Variants in GAS2 observed in about 807,000 individuals in gnomAD.
The protein encoded by GAS2 is growth arrest specific 2, also known as growth arrest-specific protein 2.
Under a neutral mutation model 37.5 loss-of-function variants are expected in GAS2, and 20 were observed. That is an observed-to-expected ratio of 0.53 (90% confidence interval 0.37 to 0.77). GAS2 has a LOEUF of 0.77. GAS2 is among the 30% of genes least tolerant of loss of function. The pLI is 0.00. For missense variants in GAS2, 336 were observed against 373.4 expected, an observed-to-expected ratio of 0.90 and a Z score of 0.82; for synonymous variants, 144 against 132.2, an observed-to-expected ratio of 1.09 and a Z score of -0.61.
intron 1 of GAS2, among the ~76,000 whole-genome samples, chr11:22,633,490 C>A (rs924657692): frequency 2.6e-5 from 4 of 151,956 alleles, no homozygotes; most frequent in East Asian, 3.9e-4. Context: ...TACATTAATT[C>A]ATTAATTAAT....
chr11:22,719,336 C>G (rs1851837536), intron 3 of GAS2, among the ~76,000 whole-genome samples: 1 of 152,062 alleles, frequency 6.6e-6, no homozygotes, highest in African/African-American at 2.4e-5. Context: ...TTCTCCTACC[C>G]CTGGCAATCA....
At chr11:22,723,013 G>T (rs1249271157) in intron 3 of GAS2, among the ~76,000 whole-genome samples, 1 of 151,778 alleles carries the variant, frequency 6.6e-6, no homozygotes, top group South Asian at 2.1e-4. Flanking sequence ...GATAAGCAGA[G>T]ATCCTTATTT....
chr11:22,682,940 C>T (rs566348974), intron 2 of GAS2, among the ~76,000 whole-genome samples: 2 of 128,998 alleles, frequency 1.6e-5, no homozygotes, highest in Admixed American at 7.8e-5. Context: ...ATACACAATA[C>T]AAATTCTGTT....
intron 1 of GAS2, among the ~76,000 whole-genome samples, chr11:22,628,419 G>T (rs1858692427): frequency 6.6e-6 from 1 of 152,118 alleles, no homozygotes; most frequent in African/African-American, 2.4e-5. Flanking sequence ...ACACAAATGT[G>T]TGTACTGTGT....
At chr11:22,787,379 T>C (rs1457022224) in intron 7 of GAS2, among the ~76,000 whole-genome samples, 1 of 152,162 alleles carries the variant, frequency 6.6e-6, no homozygotes, top group Non-Finnish European at 1.5e-5. Flanking sequence ...GTTGTTCCTA[T>C]TATTCAGTAT....
intron 7 of GAS2, among the ~76,000 whole-genome samples, chr11:22,798,614 G>A (rs1856533346): frequency 6.6e-6 from 1 of 151,964 alleles, no homozygotes. Context: ...AGAGTAAAAC[G>A]GTAATTCCAG....
At chr11:22,750,003 T>C (rs1023218316) in intron 6 of GAS2, among the ~76,000 whole-genome samples, 5 of 152,072 alleles carry the variant, frequency 3.3e-5, no homozygotes, top group Admixed American at 2.0e-4. Context: ...TCCACATATA[T>C]TTTAAGTGCA....
intron 3 of GAS2, among the ~76,000 whole-genome samples, chr11:22,698,013 G>A (rs1850623311): frequency 2.0e-5 from 3 of 152,122 alleles, no homozygotes; most frequent in Admixed American, 1.3e-4. Context: ...GGGCATCCCT[G>A]TCTTGTGCCA....
intron 7 of GAS2, among the ~76,000 whole-genome samples, chr11:22,781,686 G>A (rs1022217772): frequency 7.9e-5 from 12 of 152,018 alleles, no homozygotes; most frequent in Non-Finnish European, 7.4e-5. Flanking sequence ...GATAATGTGG[G>A]TAAACTCCCT....
intron 7 of GAS2, among the ~76,000 whole-genome samples, chr11:22,778,136 T>C (rs1855359587): frequency 6.6e-6 from 1 of 152,210 alleles, no homozygotes; most frequent in Admixed American, 6.5e-5. Context: ...TGAAAAGTAA[T>C]CTTTCCAGCT....
At chr11:22,779,005 A>G (rs1445977206) in intron 7 of GAS2, among the ~76,000 whole-genome samples, 1 of 151,200 alleles carries the variant, frequency 6.6e-6, no homozygotes, top group African/African-American at 2.4e-5. Flanking sequence ...GTTCATTCTT[A>G]CATAAACTAG....
rs564567732 is a variant in GAS2 at position 22,659,199 on chromosome 11, G to A, written c.-20-15651G>A. ...TAATGTGTGAAACTAGGTGGTATAG[G>A]TAGGGAAGATCTTTTACTATTAGCT... On this transcript the variant is annotated intron_variant, in intron 1 of 5. Transcript: ENST00000528582. Among the ~76,000 whole-genome samples the A allele has an allele frequency of 2.1e-3, 318 of 152,312 alleles. 1 individual carries two copies. Among genetic ancestry groups the A allele is most frequent in the Non-Finnish European group, 3.5e-3 (241 of 68,020 alleles).
intron 1 of GAS2, among the ~76,000 whole-genome samples, chr11:22,643,934 C>T (rs1204819141): frequency 1.3e-5 from 2 of 152,012 alleles, no homozygotes; most frequent in East Asian, 1.9e-4. Flanking sequence ...ATTCTTTTAG[C>T]ATATTTTTTT....
At chr11:22,743,619 C>T (rs1853215927) in intron 5 of GAS2, among the ~76,000 whole-genome samples, 1 of 152,040 alleles carries the variant, frequency 6.6e-6, no homozygotes, top group African/African-American at 2.4e-5. Flanking sequence ...TGCCTCCCTC[C>T]CTCCACTGCT....
intron 7 of GAS2, among the ~76,000 whole-genome samples, chr11:22,793,242 C>T (rs1295350305): frequency 6.6e-6 from 1 of 151,802 alleles, no homozygotes; most frequent in African/African-American, 2.4e-5. Flanking sequence ...CCACTGCACT[C>T]CAGCCTGGAT....
intron 7 of GAS2, among the ~76,000 whole-genome samples, chr11:22,758,780 G>A (rs574688532): frequency 1.2e-3 from 185 of 152,078 alleles, no homozygotes; most frequent in African/African-American, 3.8e-3. Flanking sequence ...GGGCTTGGTG[G>A]CGCATGCCTG....
intron 6 of GAS2, among the ~76,000 whole-genome samples, chr11:22,750,519 C>T (rs2134297447): frequency 6.6e-6 from 1 of 152,040 alleles, no homozygotes; most frequent in East Asian, 1.9e-4. Context: ...CACTCAGGAA[C>T]TAAAGAAGAA....
chr11:22,744,002 A>C (rs758710144), intron 5 of GAS2, among the ~76,000 whole-genome samples: 1 of 152,168 alleles, frequency 6.6e-6, no homozygotes, highest in African/African-American at 2.4e-5. Context: ...CTCAGAGACT[A>C]TTATGAACAC....
intron 7 of GAS2, among the ~76,000 whole-genome samples, chr11:22,792,198 A>G (rs992809709): frequency 1.3e-5 from 2 of 152,236 alleles, no homozygotes; most frequent in Non-Finnish European, 2.9e-5. Context: ...TGGACTAAAC[A>G]AATAGAAAGT....
Sources: allele counts gnomAD v4.1 joint callset (sites outside exome capture counted in the v4.1 genomes callset), GRCh38; gene constraint gnomAD v4.1.1; transcripts MANE v1.5; gene names NCBI Gene and HGNC (gene_info 2026-07-23, HGNC 2026-07-21).